Variants in LPP observed in about 807,000 individuals in gnomAD.
LPP encodes LIM domain containing preferred translocation partner in lipoma, also known as lipoma-preferred partner.
LPP carries 38 observed loss-of-function variants against 60.4 expected under a neutral mutation model. The observed-to-expected ratio is 0.63, with a 90% confidence interval of 0.49 to 0.83. LPP has a LOEUF of 0.83. Ranked by LOEUF, LPP falls within the 40% of genes least tolerant of loss-of-function variation. LPP has a pLI of 0.00. For synonymous variants in LPP, 328 were observed against 290.8 expected (o/e 1.13, Z -1.30); for missense variants, 902 against 783.6 (o/e 1.15, Z -1.80).
At chr3:188,297,857 G>T (rs1188930803) in intron 2 of LPP, among the ~76,000 whole-genome samples, 1 of 152,176 alleles carries the variant, frequency 6.6e-6, no homozygotes, top group Non-Finnish European at 1.5e-5. Context: ...ACTTAGTTGA[G>T]CTCACTACTT....
At chr3:188,247,741 G>T (rs149225521) in intron 2 of LPP, among the ~76,000 whole-genome samples, 3,794 of 151,432 alleles carry the variant, frequency 0.025, 63 homozygotes, top group Non-Finnish European at 0.036. Context: ...GGAGGTTGCA[G>T]TGAGACGAGA....
intron 9 of LPP, among the ~76,000 whole-genome samples, chr3:188,847,294 T>G (rs1296362549): frequency 6.6e-6 from 1 of 152,120 alleles, no homozygotes; most frequent in Non-Finnish European, 1.5e-5. Flanking sequence ...TCAGGACTGA[T>G]GAAAACCTAA....
At chr3:188,159,658 C>T (rs1316295402) in intron 1 of LPP, among the ~76,000 whole-genome samples, 6 of 152,144 alleles carry the variant, frequency 3.9e-5, no homozygotes, top group African/African-American at 7.2e-5. Context: ...GGATAGCAAT[C>T]ATGGGGGAGC....
intron 6 of LPP, among the ~76,000 whole-genome samples, chr3:188,602,086 A>ATATG (rs1841319112): frequency 7.1e-6 from 1 of 141,542 alleles, no homozygotes; most frequent in South Asian, 2.2e-4. Context: ...ATATATATAT[A>ATATG]TATACACACA....
intron 2 of LPP, among the ~76,000 whole-genome samples, chr3:188,235,956 G>A (rs528714190): frequency 6.6e-6 from 1 of 151,944 alleles, no homozygotes; most frequent in Admixed American, 6.6e-5. Flanking sequence ...TTTTTCCATA[G>A]GAAGTCCCAT....
intron 3 of LPP, among the ~76,000 whole-genome samples, chr3:188,388,622 CATTGGGATA>C (rs1778933237): frequency 6.6e-6 from 1 of 152,154 alleles, no homozygotes; most frequent in Admixed American, 6.5e-5. Context: ...ATTCTCATGG[CATTGGGATA>C]ATTGGTCAGC....
intron 6 of LPP, among the ~76,000 whole-genome samples, chr3:188,536,002 ATTTTTTTTT>A (rs11293389): frequency 4.1e-5 from 5 of 121,750 alleles, no homozygotes; most frequent in African/African-American, 1.3e-4. Context: ...TATTACATGA[ATTTTTTTTT>A]TTTTTTTTTT....
intron 1 of LPP, among the ~76,000 whole-genome samples, chr3:188,202,772 A>G (rs1017090567): frequency 1.3e-5 from 2 of 152,130 alleles, no homozygotes; most frequent in African/African-American, 4.8e-5. Context: ...CTGACTAAAC[A>G]TATGTGAGAT....
intron 2 of LPP, among the ~76,000 whole-genome samples, chr3:188,322,275 G>A (rs1014636846): frequency 6.6e-6 from 1 of 152,136 alleles, no homozygotes; most frequent in African/African-American, 2.4e-5. Context: ...TTGTGAACCA[G>A]AGCCTCTGTG....
chr3:188,316,724 A>G (rs1755197478), intron 2 of LPP, among the ~76,000 whole-genome samples: 1 of 152,230 alleles, frequency 6.6e-6, no homozygotes, highest in African/African-American at 2.4e-5. Flanking sequence ...CAGTAGCTTT[A>G]CTTCGAAAAC....
intron 9 of LPP, among the ~76,000 whole-genome samples, chr3:188,843,073 T>C (rs903749416): frequency 7.9e-5 from 12 of 152,240 alleles, no homozygotes; most frequent in African/African-American, 2.9e-4. Context: ...TTTTGTTGTT[T>C]AGTATGCCAC....
At chr3:188,411,043 T>C (rs759823512) in intron 4 of LPP, among the ~76,000 whole-genome samples, 129 of 152,314 alleles carry the variant, frequency 8.5e-4, no homozygotes, top group Non-Finnish European at 1.2e-3. Flanking sequence ...TCCAAGTTGC[T>C]GCAAATGCCA....
intron 9 of LPP, among the ~76,000 whole-genome samples, chr3:188,829,625 G>A (rs185097366): frequency 6.6e-5 from 10 of 152,238 alleles, no homozygotes; most frequent in African/African-American, 2.4e-4. Context: ...GCTCAGAGAG[G>A]GGGAATGAAA....
intron 1 of LPP, among the ~76,000 whole-genome samples, chr3:188,187,129 G>A (rs1049526177): frequency 2.0e-5 from 3 of 152,016 alleles, no homozygotes; most frequent in Non-Finnish European, 4.4e-5. Flanking sequence ...GGTTTATAAT[G>A]GATACATGCA....
chr3:188,230,469 C>G (rs1220234205), intron 2 of LPP, among the ~76,000 whole-genome samples: 1 of 151,852 alleles, frequency 6.6e-6, no homozygotes, highest in Non-Finnish European at 1.5e-5. Context: ...TCTCATGGGG[C>G]GTGGATGAAG....
intron 2 of LPP, among the ~76,000 whole-genome samples, chr3:188,306,576 A>G (rs1391221344): frequency 2.0e-5 from 3 of 152,122 alleles, no homozygotes; most frequent in African/African-American, 7.2e-5. Context: ...TGGGTGCAGG[A>G]AATATTTTGT....
At chr3:188,677,267 T>G (rs570221879) in intron 7 of LPP, among the ~76,000 whole-genome samples, 37 of 152,340 alleles carry the variant, frequency 2.4e-4, no homozygotes, top group African/African-American at 8.9e-4. Context: ...TATAGATAGC[T>G]AATACAATTA....
chr3:188,250,295 A>G (rs1199333264), intron 2 of LPP, among the ~76,000 whole-genome samples: 1 of 152,120 alleles, frequency 6.6e-6, no homozygotes, highest in Non-Finnish European at 1.5e-5. Context: ...ATTTTGTATT[A>G]GTCACTGGTT....
At chr3:188,223,821 C>T (rs932912322) in intron 1 of LPP, among the ~76,000 whole-genome samples, 2 of 152,102 alleles carry the variant, frequency 1.3e-5, no homozygotes, top group African/African-American at 2.4e-5. Flanking sequence ...TTGCATTGTT[C>T]ACAGGTCTAA....
Sources: allele counts gnomAD v4.1 joint callset (sites outside exome capture counted in the v4.1 genomes callset), GRCh38; gene constraint gnomAD v4.1.1; transcripts MANE v1.5; gene names NCBI Gene and HGNC (gene_info 2026-07-23, HGNC 2026-07-21).